ADAMTSL1: variants seen among roughly 807,000 people sequenced by gnomAD.
The protein encoded by ADAMTSL1 is ADAMTS-like protein 1.
ADAMTSL1 carries 126 observed loss-of-function variants against 201.8 expected under a neutral mutation model. The ratio of observed to expected loss-of-function variants is 0.62; its 90% CI spans 0.54 to 0.72. The LOEUF is 0.72. Among genes scored for constraint, ADAMTSL1 ranks in the 30% least tolerant of loss-of-function variants. ADAMTSL1 has a pLI of 0.00. For missense variants in ADAMTSL1, 2,679 were observed against 2,277.8 expected, an observed-to-expected ratio of 1.18 and a Z score of -3.59; for synonymous variants, 1,121 against 903.4, an observed-to-expected ratio of 1.24 and a Z score of -4.32.
intron 2 of ADAMTSL1, among the ~76,000 whole-genome samples, chr9:18,372,998 G>C (rs1464789917): frequency 6.6e-6 from 1 of 152,146 alleles, no homozygotes; most frequent in African/African-American, 2.4e-5. Context: ...TGAGAGTGAG[G>C]CTGGTATCAG....
chr9:18,687,003 T>A (rs928122584), intron 13 of ADAMTSL1, among the ~76,000 whole-genome samples: 1 of 152,230 alleles, frequency 6.6e-6, no homozygotes, highest in Admixed American at 6.5e-5. Context: ...CTTAGTGTAA[T>A]GAAATTGCCA....
At chr9:18,348,923 G>A (rs1835842785) in intron 2 of ADAMTSL1, among the ~76,000 whole-genome samples, 2 of 152,154 alleles carry the variant, frequency 1.3e-5, no homozygotes, top group Admixed American at 1.3e-4. Flanking sequence ...TGTATTGCCA[G>A]TCATTTTACT....
At chr9:18,258,772 C>T (rs1341238923) in intron 2 of ADAMTSL1, among the ~76,000 whole-genome samples, 1 of 152,188 alleles carries the variant, frequency 6.6e-6, no homozygotes, top group South Asian at 2.1e-4. Flanking sequence ...CCTCACACAC[C>T]AGGTTGTCTC....
At chr9:18,518,584 A>C (rs754144698) in intron 2 of ADAMTSL1, among the ~76,000 whole-genome samples, 42 of 152,010 alleles carry the variant, frequency 2.8e-4, no homozygotes, top group Non-Finnish European at 4.6e-4. Context: ...TGACTTTGCT[A>C]TTGTGAATAG....
chr9:18,380,150 G>T (rs1337208236), intron 2 of ADAMTSL1, among the ~76,000 whole-genome samples: 5 of 152,062 alleles, frequency 3.3e-5, no homozygotes, highest in Non-Finnish European at 7.3e-5. Context: ...TATTTTAACA[G>T]CCTTTCCTCC....
intron 2 of ADAMTSL1, among the ~76,000 whole-genome samples, chr9:18,518,618 A>G (rs757376351): frequency 6.6e-6 from 1 of 152,134 alleles, no homozygotes; most frequent in Non-Finnish European, 1.5e-5. Flanking sequence ...ATATGAATGC[A>G]GGTGTCTTTT....
chr9:18,348,912 G>A (rs918219018), intron 2 of ADAMTSL1, among the ~76,000 whole-genome samples: 6 of 152,050 alleles, frequency 3.9e-5, no homozygotes, highest in African/African-American at 1.2e-4. Flanking sequence ...TTTATTGAAC[G>A]TGTATTGCCA....
At chr9:18,103,105 G>A (rs1247063517) in intron 1 of ADAMTSL1, among the ~76,000 whole-genome samples, 1 of 152,080 alleles carries the variant, frequency 6.6e-6, no homozygotes, top group Admixed American at 6.6e-5. Flanking sequence ...CTATATTCCT[G>A]GGGATTTTAT....
At position 18,777,365 on chromosome 9, in the gene ADAMTSL1, GACTCTGCGGAAAGGAAC is replaced by G; in HGVS notation, c.3139_3155del (p.Ser1047AspfsTer84). 1 of 1,602,884 alleles carries G rather than the reference GACTCTGCGGAAAGGAAC, an allele frequency of 6.2e-7. No individual in the cohort carries two copies. Among genetic ancestry groups the G allele is most frequent in the Non-Finnish European group, 8.5e-7 (1 of 1,175,346 alleles). The stretch of plus-strand genomic sequence containing the variant: ...GCTGCTGGCCTCGTGGGAGGCGCAG[GACTCTGCGGAAAGGAAC>G]ACGACCTCGGAGGAGGACCCGGGTG... On this transcript the variant is annotated frameshift_variant, in exon 19 of 29. Transcript: ENST00000380548. LOFTEE classifies it high-confidence loss of function.
chr9:18,843,255 G>A (rs1825852181), intron 23 of ADAMTSL1, among the ~76,000 whole-genome samples: 1 of 150,676 alleles, frequency 6.6e-6, no homozygotes, highest in South Asian at 2.1e-4. Flanking sequence ...CTCAGCATTT[G>A]CTTGTCTGTA....
chr9:18,580,884 C>T (rs540444342), intron 4 of ADAMTSL1, among the ~76,000 whole-genome samples: 1 of 152,056 alleles, frequency 6.6e-6, no homozygotes, highest in Non-Finnish European at 1.5e-5. Context: ...CTATACTGCC[C>T]TCACTGTAAA....
intron 2 of ADAMTSL1, among the ~76,000 whole-genome samples, chr9:18,218,618 A>T (rs796903455): frequency 3.9e-5 from 6 of 151,948 alleles, no homozygotes; most frequent in African/African-American, 1.4e-4. Context: ...CTATTAGGTG[A>T]TTGTTTTTAT....
intron 2 of ADAMTSL1, among the ~76,000 whole-genome samples, chr9:18,368,012 G>T (rs1586987577): frequency 6.6e-6 from 1 of 151,954 alleles, no homozygotes; most frequent in African/African-American, 2.4e-5. Context: ...CCATTCTCCT[G>T]CCTCAGCCCC....
At chr9:18,055,300 C>T (rs1244753995) in intron 1 of ADAMTSL1, among the ~76,000 whole-genome samples, 5 of 152,162 alleles carry the variant, frequency 3.3e-5, no homozygotes, top group Non-Finnish European at 5.9e-5. Flanking sequence ...AGACTGGTTT[C>T]ATTGACTCTG....
At chr9:18,892,059 C>G (rs1248355118) in intron 25 of ADAMTSL1, among the ~76,000 whole-genome samples, 1 of 152,194 alleles carries the variant, frequency 6.6e-6, no homozygotes, top group African/African-American at 2.4e-5. Context: ...TTCATGGTCA[C>G]ATTGTCTCCT....
intron 5 of ADAMTSL1, among the ~76,000 whole-genome samples, chr9:18,627,797 C>A (rs898522725): frequency 6.6e-6 from 1 of 152,170 alleles, no homozygotes; most frequent in Non-Finnish European, 1.5e-5. Context: ...CTTAATTCCC[C>A]CTTGCCACAT....
In ADAMTSL1 at chr9:18,039,619, G is replaced by A. The variant is rs530307176; in HGVS notation, c.88-124243G>A. 3.3e-5 allele frequency among the ~76,000 whole-genome samples: 5 copies of A among 152,180 alleles called. No individual in the cohort carries two copies. The South Asian group carries it at 8.3e-4, about 25-fold the overall frequency. On this transcript the variant is annotated intron_variant, in intron 1 of 29. Coordinates refer to the ADAMTSL1 transcript ENST00000680146. Reference sequence around the variant, plus strand: ...GCAAATTAACTGAGTTAGTTTCCAAGCCTATTACTGGTGGAAATTTAGAAA... The same window carrying A: ...GCAAATTAACTGAGTTAGTTTCCAAACCTATTACTGGTGGAAATTTAGAAA...
intron 1 of ADAMTSL1, among the ~76,000 whole-genome samples, chr9:18,022,264 A>G (rs1371865900): frequency 6.6e-6 from 1 of 152,140 alleles, no homozygotes; most frequent in Non-Finnish European, 1.5e-5. Flanking sequence ...TGTTGACCTT[A>G]GGGAAGTCAT....
At chr9:18,822,469 T>C (rs1277788278) in intron 21 of ADAMTSL1, among the ~76,000 whole-genome samples, 1 of 152,184 alleles carries the variant, frequency 6.6e-6, no homozygotes, top group African/African-American at 2.4e-5. Context: ...GTCAGGCTAG[T>C]ATAATGGCAG....
Sources: gnomAD v4.1 joint callset for allele counts (sites outside exome capture counted in the v4.1 genomes callset) on GRCh38, gnomAD v4.1.1 for gene constraint, MANE v1.5 for transcripts, NCBI Gene and HGNC (gene_info 2026-07-23, HGNC 2026-07-21) for gene names.